Variants in WDR4 observed in about 807,000 individuals in gnomAD.
WDR4 encodes WDR4 tRNA N7-guanosine methyltransferase non-catalytic subunit.
In WDR4, 47 loss-of-function variants were observed where a neutral mutation model predicts 48.6. The ratio of observed to expected loss-of-function variants is 0.97; its 90% CI spans 0.77 to 1.23. The LOEUF (loss-of-function observed/expected upper bound fraction) is 1.23, where lower values mean the gene tolerates loss of function less well. WDR4 is among the 50% of genes most tolerant of loss of function. The probability of loss-of-function intolerance (pLI) is 0.00; values close to 1 mark genes in which losing one functional copy is unlikely to be tolerated. For missense variants in WDR4, 606 were observed against 551.6 expected (o/e 1.10, Z -0.99); for synonymous variants, 268 against 230.0 (o/e 1.17, Z -1.49).
At chr21:42,879,099 G>A in intron 1 of WDR4, 1 of 1,181,122 alleles carries the variant, frequency 8.5e-7, no homozygotes, top group South Asian at 3.2e-5. Flanking sequence ...GGTCCCCGCC[G>A]GCGCCGCGGA....
At chr21:42,882,271 CTT>C (rs1345341262), upstream of WDR4, among the ~76,000 whole-genome samples, 1 of 148,288 alleles carries the variant, frequency 6.7e-6, no homozygotes, top group Non-Finnish European at 1.5e-5. Flanking sequence ...AATTAAGAAA[CTT>C]ATGGATTGGC....
At chr21:42,876,924 T>G (rs1364219147) in intron 1 of WDR4, among the ~76,000 whole-genome samples, 157 bp from the exon 2 acceptor site, 1 of 152,024 alleles carries the variant, frequency 6.6e-6, no homozygotes, top group Non-Finnish European at 1.5e-5. Flanking sequence ...GTTCAAACGA[T>G]TCTCCTGCCT....
chr21:42,879,371 C>T, intron 1 of WDR4, 36 bp downstream of exon 1: 1 of 1,603,928 alleles, frequency 6.2e-7, no homozygotes, highest in East Asian at 2.2e-5. Context: ...GCGCCCGCAG[C>T]CTGGTCTCCC....
intron 3 of WDR4, among the ~76,000 whole-genome samples, chr21:42,868,751 C>T (rs751557447): frequency 3.3e-5 from 5 of 152,248 alleles, no homozygotes; most frequent in Non-Finnish European, 7.3e-5. Context: ...CAGCCACCCC[C>T]ACAGCATGTG....
intron 2 of WDR4, among the ~76,000 whole-genome samples, chr21:42,876,374 C>T (rs533598447): frequency 7.7e-4 from 117 of 152,024 alleles, no homozygotes; most frequent in Non-Finnish European, 1.3e-3. Flanking sequence ...CCACCACGCC[C>T]AGCTAACTTT....
chr21:42,881,240 A>C (rs2058608206), upstream of WDR4, among the ~76,000 whole-genome samples: 1 of 152,042 alleles, frequency 6.6e-6, no homozygotes, highest in Non-Finnish European at 1.5e-5. Flanking sequence ...GATCACCTTG[A>C]CTTCAGCATT....
At chr21:42,865,512 A>G (rs1363215079) in intron 3 of WDR4, among the ~76,000 whole-genome samples, 1 of 152,076 alleles carries the variant, frequency 6.6e-6, no homozygotes, top group Non-Finnish European at 1.5e-5. Flanking sequence ...CCAGCTCAGC[A>G]GAGGGCACTG....
rs2058073369 is a variant in WDR4 at position 42,859,724 on chromosome 21, T to C, written c.567-2A>G. ...ACCACGGAGATACGGCTCACAAACC[T>C]GTGAGGGCGAGAGAGAGCGGCAGAG... On this transcript the variant is annotated splice_acceptor_variant, in intron 5 of 10. Transcript: ENST00000398208. LOFTEE classifies it high-confidence loss of function. 6 of 1,556,286 alleles carry C rather than the reference T, an allele frequency of 3.9e-6. No homozygotes were observed. Among genetic ancestry groups the C allele is most frequent in the South Asian group, 1.2e-5 (1 of 84,228 alleles).
At chr21:42,858,839 A>G (rs776497433) in intron 6 of WDR4, among the ~76,000 whole-genome samples, 85 of 152,186 alleles carry the variant, frequency 5.6e-4, no homozygotes, top group Non-Finnish European at 8.5e-4. Context: ...AGAAACATAG[A>G]AGCGGCCAGA....
At position 42,852,217 on chromosome 21, in the gene WDR4, G is replaced by A. The variant is rs8133179; in HGVS notation, c.1045+38C>T. 0.14 allele frequency: 221,623 copies of A among 1,610,394 alleles called. 18,340 individuals are homozygous for A. Among genetic ancestry groups the A allele is most frequent in the African/African-American group, 0.38 (28,169 of 74,900 alleles). ...CTGCTTTCTCTGGGGACCGCGCTGG[G>A]TGTGACCCCCAAGGGCAGCCTGCAC... On this transcript the variant is annotated intron_variant, in intron 10 of 10. Coordinates refer to ENST00000398208, the MANE Select transcript of WDR4 (RefSeq NM_018669.6).
In WDR4 at chr21:42,863,583, T is replaced by G; in HGVS notation, c.310A>C (p.Arg104=). 1 of 1,612,986 alleles carries G rather than the reference T, an allele frequency of 6.2e-7. No individual in the cohort carries two copies. The highest frequency in any genetic ancestry group is 1.1e-5 in the South Asian group (1 of 91,004). ...GCTATGAAAGTCAGGGCTGTACACC[T>G]CCTTGCCACGGTCCTAGAAGGCCAG... The part of the protein sequence containing the change: ...QCLSVRTVAR[R]CTALTFIASE... Residue 104 remains arginine (R), a synonymous_variant, in exon 4 of 11, where the codon AGG becomes CGG. Coordinates refer to ENST00000398208, the MANE Select transcript of WDR4 (RefSeq NM_018669.6).
At chr21:42,871,591 G>A (rs536141871) in intron 3 of WDR4, among the ~76,000 whole-genome samples, 12 of 152,278 alleles carry the variant, frequency 7.9e-5, no homozygotes, top group Middle Eastern at 3.4e-3. Flanking sequence ...TAAAGATGAC[G>A]CGATCCACAG....
At chr21:42,860,266 C>A (rs1602720292) in intron 5 of WDR4, among the ~76,000 whole-genome samples, 1 of 152,198 alleles carries the variant, frequency 6.6e-6, no homozygotes, top group Admixed American at 6.5e-5. Flanking sequence ...AGTGACCTGG[C>A]CAGACAGCTG....
intron 2 of WDR4, among the ~76,000 whole-genome samples, chr21:42,875,736 G>T (rs1250179346): frequency 6.6e-6 from 1 of 152,046 alleles, no homozygotes; most frequent in African/African-American, 2.4e-5. Flanking sequence ...AACAAACTGA[G>T]CCACAATACC....
At chr21:42,879,343 G>C in intron 1 of WDR4, 64 bp downstream of exon 1, 1 of 1,583,508 alleles carries the variant, frequency 6.3e-7, no homozygotes, top group South Asian at 1.1e-5. Flanking sequence ...GAGAAGCGGG[G>C]TCGCCAGGAC....
At chr21:42,865,336 T>C (rs1054126193) in intron 3 of WDR4, among the ~76,000 whole-genome samples, 4 of 152,186 alleles carry the variant, frequency 2.6e-5, no homozygotes, top group Middle Eastern at 3.2e-3. Context: ...CAATGTCCGA[T>C]GGGCTCATTA....
At chr21:42,865,200 G>C (rs572901247) in intron 3 of WDR4, among the ~76,000 whole-genome samples, 1 of 152,228 alleles carries the variant, frequency 6.6e-6, no homozygotes, top group Non-Finnish European at 1.5e-5. Context: ...GAAGTATAAC[G>C]GGGTAAACAC....
At chr21:42,866,465 C>G (rs2187245) in intron 3 of WDR4, among the ~76,000 whole-genome samples, 1 of 152,186 alleles carries the variant, frequency 6.6e-6, no homozygotes, top group East Asian at 1.9e-4. Flanking sequence ...CATGGAACCT[C>G]TAAAACTGAA....
intron 1 of WDR4, chr21:42,879,093 C>G: frequency 3.4e-6 from 4 of 1,176,622 alleles, no homozygotes; most frequent in Non-Finnish European, 4.2e-6. Context: ...CTACCCGGTC[C>G]CCGCCGGCGC....
Sources: gnomAD v4.1 joint callset for allele counts (sites outside exome capture counted in the v4.1 genomes callset) on GRCh38, gnomAD v4.1.1 for gene constraint, MANE v1.5 for transcripts, NCBI Gene and HGNC (gene_info 2026-07-23, HGNC 2026-07-21) for gene names.